Variants in MEF2A observed in about 807,000 individuals in gnomAD.
MEF2A encodes the protein myocyte enhancer factor 2A, also known as myocyte-specific enhancer factor 2A.
A neutral mutation model predicts 55.8 loss-of-function variants in MEF2A; 28 were observed. That is an observed-to-expected ratio of 0.50 (90% CI 0.37 to 0.69). The LOEUF (loss-of-function observed/expected upper bound fraction) is 0.69, where lower values mean the gene tolerates loss of function less well. Ranked by LOEUF, MEF2A falls within the 30% of genes least tolerant of loss-of-function variation. MEF2A has a pLI of 0.00. For synonymous variants in MEF2A, 239 were observed against 227.1 expected (o/e 1.05, Z -0.47); for missense variants, 528 against 626.2 (o/e 0.84, Z 1.67).
At chr15:99,655,587 G>C (rs759926121) in intron 4 of MEF2A, among the ~76,000 whole-genome samples, 3 of 151,972 alleles carry the variant, frequency 2.0e-5, no homozygotes, top group Non-Finnish European at 2.9e-5. Flanking sequence ...GAAGTGTGTA[G>C]CTTTTAAAAC....
intron 1 of MEF2A, among the ~76,000 whole-genome samples, chr15:99,573,969 A>G (rs1963406613): frequency 6.6e-6 from 1 of 152,208 alleles, no homozygotes; most frequent in African/African-American, 2.4e-5. Context: ...AGAAGAATCT[A>G]GGAGTTAAGG....
At chr15:99,635,215 G>T (rs2043580811) in intron 3 of MEF2A, among the ~76,000 whole-genome samples, 1 of 152,182 alleles carries the variant, frequency 6.6e-6, no homozygotes, top group African/African-American at 2.4e-5. Flanking sequence ...AACTTCTGAT[G>T]GAGTGGTTTA....
chr15:99,630,940 C>CG (rs1225505543), intron 2 of MEF2A, among the ~76,000 whole-genome samples: 1 of 152,194 alleles, frequency 6.6e-6, no homozygotes, highest in Non-Finnish European at 1.5e-5. Flanking sequence ...CTCAGTCTCT[C>CG]GGGCAGTAGT....
chr15:99,685,597 C>T (rs998767200), intron 7 of MEF2A, among the ~76,000 whole-genome samples: 1 of 152,012 alleles, frequency 6.6e-6, no homozygotes, highest in Non-Finnish European at 1.5e-5. Context: ...AAGATATGCC[C>T]CTTCTGTGCC....
At chr15:99,575,842 T>C (rs951147980) in intron 1 of MEF2A, among the ~76,000 whole-genome samples, 9 of 152,252 alleles carry the variant, frequency 5.9e-5, no homozygotes, top group Non-Finnish European at 8.8e-5. Flanking sequence ...CAATATGATA[T>C]AATGGATTCT....
chr15:99,585,795 G>A (rs1416278995), intron 1 of MEF2A, among the ~76,000 whole-genome samples: 1 of 152,170 alleles, frequency 6.6e-6, no homozygotes, highest in East Asian at 1.9e-4. Flanking sequence ...ATTGTTCTTG[G>A]TGTTAACTTT....
intron 2 of MEF2A, among the ~76,000 whole-genome samples, chr15:99,612,523 A>G (rs995871403): frequency 1.3e-5 from 2 of 152,210 alleles, no homozygotes; most frequent in Non-Finnish European, 2.9e-5. Flanking sequence ...ATCATATAGA[A>G]TTGAAGACAC....
chr15:99,568,863 C>G (rs1403433741), intron 1 of MEF2A, among the ~76,000 whole-genome samples: 3 of 152,154 alleles, frequency 2.0e-5, no homozygotes, highest in African/African-American at 7.2e-5. Flanking sequence ...CAAAGTCTAG[C>G]TGAAGTTTTC....
At position 99,713,626 on chromosome 15, in the gene MEF2A, A is replaced by T. The variant is rs1409266452; in HGVS notation, c.*855A>T. On this transcript the variant is annotated 3_prime_UTR_variant, in exon 12 of 12. Coordinates refer to ENST00000557942, the MANE Select transcript of MEF2A (RefSeq NM_001319206.4). ...CCTTATGAATTGATGACTATATATA[A>T]AATTATATTCACTACTTTTGAACAC... 1 of 152,214 alleles carries T rather than the reference A, an allele frequency of 6.6e-6. No individual in the cohort carries two copies. The highest frequency in any genetic ancestry group is 2.4e-5 in the African/African-American group (1 of 41,466). The allele number at this position is 152,214 out of a possible 1,614,324, so 9.4% of individuals were successfully genotyped here.
At chr15:99,656,141 C>G (rs997713987) in intron 4 of MEF2A, among the ~76,000 whole-genome samples, 1 of 151,950 alleles carries the variant, frequency 6.6e-6, no homozygotes, top group African/African-American at 2.4e-5. Flanking sequence ...ATTACAAAAT[C>G]TAGTAGGGAC....
At chr15:99,678,614 T>G in intron 7 of MEF2A, 1 of 979,432 alleles carries the variant, frequency 1.0e-6, no homozygotes, top group African/African-American at 1.7e-5. Context: ...TTGTTGCATC[T>G]TCTGCCTGCT....
intron 4 of MEF2A, among the ~76,000 whole-genome samples, chr15:99,671,122 A>G (rs2050785541): frequency 1.3e-5 from 2 of 152,256 alleles, no homozygotes; most frequent in African/African-American, 4.8e-5. Context: ...TTCTCTTAAC[A>G]TACAATGGGA....
intron 4 of MEF2A, 24 bp downstream of exon 4, chr15:99,645,788 G>T: frequency 1.3e-6 from 2 of 1,486,828 alleles, no homozygotes; most frequent in South Asian, 1.3e-5. Flanking sequence ...AGTAATACGT[G>T]AATTGCAAGT....
At chr15:99,696,665 A>G (rs567208444) in intron 8 of MEF2A, among the ~76,000 whole-genome samples, 3 of 152,116 alleles carry the variant, frequency 2.0e-5, no homozygotes, top group African/African-American at 7.2e-5. Flanking sequence ...TCAGTAATCT[A>G]AGCTCTTACC....
At chr15:99,629,916 G>T (rs143187324) in intron 2 of MEF2A, among the ~76,000 whole-genome samples, 28 of 151,978 alleles carry the variant, frequency 1.8e-4, no homozygotes, top group African/African-American at 6.0e-4. Flanking sequence ...CTCCAGCCTG[G>T]GTGACAGAGC....
At position 99,608,337 on chromosome 15, in the gene MEF2A, T is replaced by C. The variant is rs1033560459; in HGVS notation, c.-143+9826T>C. Among the ~76,000 whole-genome samples the C allele has an allele frequency of 2.6e-5, 4 of 152,364 alleles. No homozygotes were observed. In the East Asian group the frequency reaches 5.8e-4, roughly 22 times the overall value. The stretch of plus-strand genomic sequence containing the variant: ...TAAAACATGTTGCATATTTCACTAA[T>C]AGTAACAGGCTGTAAACAGTTTACC... On this transcript the variant is annotated intron_variant, in intron 2 of 11. Coordinates refer to ENST00000557942, the MANE Select transcript of MEF2A (RefSeq NM_001319206.4).
Position 99,663,814 on chromosome 15 carries a change from T to G in MEF2A, c.259-7509T>G, listed in dbSNP as rs80255331. ...TATTGTTTTTGTCCTCTCAAGTATCTTTTTTCTTTCTTTTTTCACCTCTTC... is the reference window on the plus strand; with the variant it reads ...TATTGTTTTTGTCCTCTCAAGTATCGTTTTTCTTTCTTTTTTCACCTCTTC... On this transcript the variant is annotated intron_variant, in intron 4 of 11. Transcript: ENST00000557942. Among the ~76,000 whole-genome samples the G allele has an allele frequency of 6.0e-4, 92 of 152,314 alleles. 1 individual carries two copies. The highest frequency in any genetic ancestry group is 2.1e-3 in the African/African-American group (88 of 41,576).
chr15:99,692,923 C>T (rs573889308), intron 8 of MEF2A, among the ~76,000 whole-genome samples: 1 of 152,256 alleles, frequency 6.6e-6, no homozygotes, highest in East Asian at 1.9e-4. Flanking sequence ...AAGACATGCT[C>T]GGTATGGAGC....
Position 99,690,352 on chromosome 15 carries a change from A to G in MEF2A, c.782A>G (p.Asn261Ser), listed in dbSNP as rs121918530. 1.4e-3 allele frequency: 2,210 copies of G among 1,613,574 alleles called. 5 individuals carry two copies. Among genetic ancestry groups the G allele is most frequent in the Non-Finnish European group, 1.7e-3 (2,048 of 1,179,766 alleles). ...TKSPPPPGGG[N>S]LGMNSRKPDL... ...TCTCCCCCTCCACCAGGTGGTGGTA[A>G]TCTTGGAATGAACAGTAGGAAACCA... is the stretch of plus-strand genomic sequence containing the variant. Residue 261 changes from asparagine (N) to serine (S), a missense_variant, in exon 8 of 12, where the codon AAT becomes AGT. Physicochemically the swap from Asn to Ser is conservative, Grantham distance 46. Coordinates refer to ENST00000557942, the MANE Select transcript of MEF2A (RefSeq NM_001319206.4).
Sources: allele counts gnomAD v4.1 joint callset (sites outside exome capture counted in the v4.1 genomes callset), GRCh38; gene constraint gnomAD v4.1.1; transcripts MANE v1.5; gene names NCBI Gene and HGNC (gene_info 2026-07-23, HGNC 2026-07-21).